The following LPP variants were observed in gnomAD, a reference collection of about 807,000 sequenced individuals.
LPP encodes lipoma-preferred partner.
Under a neutral mutation model 60.4 loss-of-function variants are expected in LPP, and 38 were observed. That is an observed-to-expected ratio of 0.63 (90% CI 0.49 to 0.83). The LOEUF is 0.83. Among genes scored for constraint, LPP ranks in the 40% least tolerant of loss-of-function variants. The pLI is 0.00. For missense variants in LPP, 902 were observed against 783.6 expected, an observed-to-expected ratio of 1.15 and a Z score of -1.80; for synonymous variants, 328 against 290.8, an observed-to-expected ratio of 1.13 and a Z score of -1.30.
intron 1 of LPP, among the ~76,000 whole-genome samples, chr3:188,203,548 TATTTTTAAATA>T: frequency 1.0e-5 from 1 of 100,330 alleles, no homozygotes; most frequent in Non-Finnish European, 1.8e-5. Flanking sequence ...AATATATATA[TATTTTTAAATA>T]TATATAAATA....
At chr3:188,288,823 C>A (rs1744968247) in intron 2 of LPP, among the ~76,000 whole-genome samples, 1 of 64,288 alleles carries the variant, frequency 1.6e-5, no homozygotes, top group East Asian at 4.4e-4. Flanking sequence ...CCCCCACCCC[C>A]CACCCCCACC....
At chr3:188,498,538 G>A (rs1018447215) in intron 5 of LPP, among the ~76,000 whole-genome samples, 6 of 152,106 alleles carry the variant, frequency 3.9e-5, no homozygotes, top group Admixed American at 3.9e-4. Context: ...TATATGTCAT[G>A]TTCTGCTTAT....
intron 1 of LPP, among the ~76,000 whole-genome samples, chr3:188,183,571 G>A (rs939574377): frequency 6.6e-6 from 1 of 152,184 alleles, no homozygotes; most frequent in South Asian, 2.1e-4. Flanking sequence ...GACATCCTGT[G>A]GAAGGGCATA....
At chr3:188,478,462 A>G (rs1432916025) in intron 4 of LPP, among the ~76,000 whole-genome samples, 2 of 152,240 alleles carry the variant, frequency 1.3e-5, no homozygotes, top group African/African-American at 4.8e-5. Flanking sequence ...ATATCTAGAT[A>G]GCAATATTAC....
At chr3:188,837,343 G>C (rs1466095531) in intron 9 of LPP, among the ~76,000 whole-genome samples, 1 of 150,862 alleles carries the variant, frequency 6.6e-6, no homozygotes, top group Non-Finnish European at 1.5e-5. Flanking sequence ...TGCGCCACTG[G>C]ACTCCATCCT....
chr3:188,737,016 T>TA (rs1023863088), intron 8 of LPP, among the ~76,000 whole-genome samples: 1 of 152,068 alleles, frequency 6.6e-6, no homozygotes, highest in Non-Finnish European at 1.5e-5. Context: ...CAAATTTATA[T>TA]AAAAAAATGG....
At chr3:188,216,273 C>CTTTTTT (rs1315000809) in intron 1 of LPP, among the ~76,000 whole-genome samples, 3 of 131,170 alleles carry the variant, frequency 2.3e-5, no homozygotes, top group South Asian at 2.5e-4. Context: ...CTTCTTCTTC[C>CTTTTTT]TTTTTTTTTT....
intron 3 of LPP, among the ~76,000 whole-genome samples, chr3:188,368,678 ACT>A (rs4011887): frequency 0.67 from 80,968 of 120,392 alleles, 28,458 homozygotes; most frequent in Middle Eastern, 0.84. Context: ...ACACACACAC[ACT>A]CTCACACACA....
At chr3:188,554,608 T>G (rs568510963) in intron 6 of LPP, among the ~76,000 whole-genome samples, 1 of 152,332 alleles carries the variant, frequency 6.6e-6, no homozygotes, top group Non-Finnish European at 1.5e-5. Context: ...CCAGCACAGC[T>G]GCCTCCCAAG....
intron 2 of LPP, among the ~76,000 whole-genome samples, chr3:188,256,022 A>G (rs1256986863): frequency 2.6e-5 from 4 of 152,246 alleles, no homozygotes. Context: ...ACTTTTAAAT[A>G]TAGTGAGCAT....
chr3:188,292,221 TGCTATATGAATTTAAA>T (rs1746241322), intron 2 of LPP, among the ~76,000 whole-genome samples: 1 of 152,216 alleles, frequency 6.6e-6, no homozygotes, highest in African/African-American at 2.4e-5. Context: ...TGTGCAAACT[TGCTATATGAATTTAAA>T]GAGGAGCACT....
intron 4 of LPP, among the ~76,000 whole-genome samples, chr3:188,441,026 A>G (rs1199288337): frequency 8.9e-5 from 13 of 146,454 alleles, no homozygotes; most frequent in South Asian, 4.3e-4. Context: ...CTCCCTTAAT[A>G]TGTGTGTGTG....
At chr3:188,571,677 G>T (rs1177839869) in intron 6 of LPP, among the ~76,000 whole-genome samples, 2 of 152,100 alleles carry the variant, frequency 1.3e-5, no homozygotes, top group African/African-American at 2.4e-5. Context: ...CAGCGTATTT[G>T]CTAAGAGCAG....
intron 4 of LPP, among the ~76,000 whole-genome samples, chr3:188,441,334 A>C (rs1204257871): frequency 2.0e-5 from 3 of 152,146 alleles, no homozygotes; most frequent in African/African-American, 7.2e-5. Context: ...ATATATTAGA[A>C]GATAATTTGC....
At chr3:188,641,414 A>C (rs562421294) in intron 7 of LPP, among the ~76,000 whole-genome samples, 1 of 152,194 alleles carries the variant, frequency 6.6e-6, no homozygotes, top group South Asian at 2.1e-4. Flanking sequence ...AGGATTATAC[A>C]GTATTTTTAT....
intron 6 of LPP, among the ~76,000 whole-genome samples, chr3:188,554,652 G>C (rs889555635): frequency 6.6e-6 from 1 of 152,078 alleles, no homozygotes; most frequent in African/African-American, 2.4e-5. Flanking sequence ...CCAAATCTAT[G>C]GTGACATATA....
intron 4 of LPP, 122 bp from the exon 5 acceptor site, chr3:188,484,470 C>T: frequency 1.5e-6 from 1 of 654,210 alleles, no homozygotes; most frequent in Admixed American, 2.4e-5. Context: ...GGAATAATTG[C>T]TATACAACAC....
chr3:188,331,802 T>G (rs1378497667), intron 2 of LPP, among the ~76,000 whole-genome samples: 1 of 152,196 alleles, frequency 6.6e-6, no homozygotes, highest in Non-Finnish European at 1.5e-5. Flanking sequence ...AGCTGAGATA[T>G]GAATTCTGGT....
chr3:188,636,298 C>T (rs1001386766), intron 7 of LPP, among the ~76,000 whole-genome samples: 5 of 152,286 alleles, frequency 3.3e-5, no homozygotes, highest in East Asian at 1.9e-4. Context: ...GGGTGACAGA[C>T]GGCACCTGGA....
Sources: allele counts gnomAD v4.1 joint callset (sites outside exome capture counted in the v4.1 genomes callset), GRCh38; gene constraint gnomAD v4.1.1; transcripts MANE v1.5; gene names NCBI Gene and HGNC (gene_info 2026-07-23, HGNC 2026-07-21).